Variants in C8orf34 observed in about 807,000 individuals in gnomAD.
The protein encoded by C8orf34 is chromosome 8 open reading frame 34.
Under a neutral mutation model 68.3 loss-of-function variants are expected in C8orf34, and 65 were observed. That is an observed-to-expected ratio of 0.95 (90% confidence interval 0.78 to 1.17). The LOEUF is 1.17. Among genes scored for constraint, C8orf34 ranks in the 50% most tolerant of loss-of-function variants. The pLI, the probability that C8orf34 is intolerant of heterozygous loss-of-function variation, is 0.00. For missense variants in C8orf34, 664 were observed against 655.4 expected (o/e 1.01, Z -0.14); for synonymous variants, 244 against 241.2 (o/e 1.01, Z -0.11).
Position 68,803,239 on chromosome 8 carries a change from A to G in C8orf34, c.1550-12647A>G, listed in dbSNP as rs550338265. 3.9e-5 allele frequency among the ~76,000 whole-genome samples: 6 copies of G among 152,252 alleles called. No individual in the cohort carries two copies. In the South Asian group the frequency reaches 1.0e-3, roughly 26 times the overall value. On this transcript the variant is annotated intron_variant, in intron 12 of 13. Coordinates refer to ENST00000518698, the MANE Select transcript of C8orf34 (RefSeq NM_052958.4). The stretch of plus-strand genomic sequence containing the variant: ...AATAAGCCAATTGACTTATGAACAT[A>G]GATATAAAAATTCTAAACAAATTGG...
chr8:68,782,202 A>T (rs1055719781), intron 11 of C8orf34, among the ~76,000 whole-genome samples: 1 of 152,164 alleles, frequency 6.6e-6, no homozygotes, highest in Admixed American at 6.5e-5. Context: ...AGACTATGTC[A>T]CATTTTTTAA....
At chr8:68,413,966 A>C (rs1165468123) in intron 1 of C8orf34, among the ~76,000 whole-genome samples, 1 of 152,104 alleles carries the variant, frequency 6.6e-6, no homozygotes, top group Non-Finnish European at 1.5e-5. Flanking sequence ...CTCACATGCT[A>C]TTTCATCCCT....
At chr8:68,472,301 C>T (rs761774526) in intron 4 of C8orf34, among the ~76,000 whole-genome samples, 1 of 152,106 alleles carries the variant, frequency 6.6e-6, no homozygotes, top group Admixed American at 6.6e-5. Context: ...TGGGCTCTTA[C>T]CCATTCCTTC....
At chr8:68,374,111 C>T (rs966750694) in intron 1 of C8orf34, among the ~76,000 whole-genome samples, 4 of 152,140 alleles carry the variant, frequency 2.6e-5, no homozygotes, top group African/African-American at 9.7e-5. Context: ...GATGCAGTCT[C>T]GCTATTTTTC....
intron 1 of C8orf34, among the ~76,000 whole-genome samples, chr8:68,417,877 C>T (rs1229266093): frequency 6.6e-6 from 1 of 151,686 alleles, no homozygotes; most frequent in Non-Finnish European, 1.5e-5. Context: ...CTGTAAATTA[C>T]CTTGGGCAGT....
At position 68,722,616 on chromosome 8, in the gene C8orf34, T is replaced by TA. The variant is rs1332288232; in HGVS notation, c.1404+1180dup. 2.0e-5 allele frequency among the ~76,000 whole-genome samples: 3 copies of TA among 152,198 alleles called. No individual in the cohort carries two copies. In the East Asian group the frequency reaches 5.8e-4, roughly 29 times the overall value. ...TTTTGCATTTCCCTTCTTTATTTTT[T>TA]ATACAGTACTTATGATTTCTACTGT... On this transcript the variant is annotated intron_variant, in intron 10 of 13. Transcript: ENST00000518698.
chr8:68,506,126 A>ACACATG (rs996847027), intron 5 of C8orf34, among the ~76,000 whole-genome samples: 1 of 152,026 alleles, frequency 6.6e-6, no homozygotes, highest in Non-Finnish European at 1.5e-5. Flanking sequence ...ACACACACAC[A>ACACATG]CACATGCACA....
intron 1 of C8orf34, among the ~76,000 whole-genome samples, chr8:68,368,644 A>T (rs1257878982): frequency 6.6e-6 from 1 of 152,142 alleles, no homozygotes; most frequent in Non-Finnish European, 1.5e-5. Context: ...TTCTCTCAAT[A>T]GTTGGCTAAA....
intron 7 of C8orf34, among the ~76,000 whole-genome samples, chr8:68,559,616 T>C (rs1816359502): frequency 6.6e-6 from 1 of 152,216 alleles, no homozygotes; most frequent in Non-Finnish European, 1.5e-5. Flanking sequence ...CCTGTTTTAA[T>C]ACAGAAGACT....
At chr8:68,402,449 T>C (rs1403301326) in intron 1 of C8orf34, among the ~76,000 whole-genome samples, 1 of 152,126 alleles carries the variant, frequency 6.6e-6, no homozygotes, top group Non-Finnish European at 1.5e-5. Context: ...TTCTGCTAAC[T>C]CTGGGTTTGA....
intron 3 of C8orf34, 168 bp downstream of exon 3, chr8:68,446,628 G>A (rs995197851): frequency 1.1e-5 from 7 of 638,116 alleles, no homozygotes; most frequent in Admixed American, 1.0e-4. Flanking sequence ...TCATTCATAC[G>A]TATGTATTTG....
chr8:68,431,672 T>G (rs1178886455), intron 1 of C8orf34, among the ~76,000 whole-genome samples: 1 of 152,202 alleles, frequency 6.6e-6, no homozygotes, highest in East Asian at 1.9e-4. Flanking sequence ...AAATGTTCAA[T>G]TATTAACCTG....
intron 7 of C8orf34, among the ~76,000 whole-genome samples, chr8:68,558,066 G>C (rs999335216): frequency 2.0e-5 from 3 of 152,122 alleles, no homozygotes; most frequent in African/African-American, 7.2e-5. Context: ...ATGCTCAAAC[G>C]CCTGTGGTTC....
intron 12 of C8orf34, 147 bp downstream of exon 12, chr8:68,787,683 T>G (rs1366873174): frequency 2.7e-5 from 14 of 522,986 alleles, no homozygotes; most frequent in Non-Finnish European, 4.9e-5. Flanking sequence ...AGACAAGCTA[T>G]CCTTCAGGTC....
intron 10 of C8orf34, among the ~76,000 whole-genome samples, chr8:68,723,890 G>A (rs1294557124): frequency 1.3e-5 from 2 of 152,132 alleles, no homozygotes; most frequent in South Asian, 2.1e-4. Flanking sequence ...TTTCCACTGT[G>A]TTCACATACT....
chr8:68,638,121 G>A (rs1250240401), intron 7 of C8orf34, among the ~76,000 whole-genome samples: 3 of 152,144 alleles, frequency 2.0e-5, no homozygotes, highest in African/African-American at 7.2e-5. Context: ...GGCAGAAGCT[G>A]TCTACTCTCT....
intron 1 of C8orf34, among the ~76,000 whole-genome samples, chr8:68,366,431 C>T (rs1807259040): frequency 7.3e-6 from 1 of 137,058 alleles, no homozygotes. Flanking sequence ...AAAGAGCCCG[C>T]ATCGCCAAGT....
At chr8:68,777,898 A>G (rs984034383) in intron 11 of C8orf34, among the ~76,000 whole-genome samples, 1 of 152,184 alleles carries the variant, frequency 6.6e-6, no homozygotes, top group Non-Finnish European at 1.5e-5. Context: ...TATGAGATCC[A>G]TTACTGACTT....
intron 1 of C8orf34, among the ~76,000 whole-genome samples, chr8:68,419,213 A>G (rs1456417507): frequency 6.6e-6 from 1 of 151,206 alleles, no homozygotes; most frequent in East Asian, 1.9e-4. Context: ...TGCAGCCAAA[A>G]AACACATGAA....
Sources: gnomAD v4.1 joint callset for allele counts (sites outside exome capture counted in the v4.1 genomes callset) on GRCh38, gnomAD v4.1.1 for gene constraint, MANE v1.5 for transcripts, NCBI Gene and HGNC (gene_info 2026-07-23, HGNC 2026-07-21) for gene names.